Variants in ARHGAP24 observed in about 807,000 individuals in gnomAD.
The protein encoded by ARHGAP24 is rho GTPase-activating protein 24.
In ARHGAP24, 50 loss-of-function variants were observed where a neutral mutation model predicts 76.4. The ratio of observed to expected loss-of-function variants is 0.65; its 90% confidence interval spans 0.52 to 0.83. The LOEUF is 0.83. Ranked by LOEUF, ARHGAP24 falls within the 40% of genes least tolerant of loss-of-function variation. The pLI, the probability that ARHGAP24 is intolerant of heterozygous loss-of-function variation, is 0.00. For missense variants in ARHGAP24, 930 were observed against 914.2 expected (o/e 1.02, Z -0.22); for synonymous variants, 345 against 323.3 (o/e 1.07, Z -0.72).
At chr4:85,792,743 T>C (rs1035121946) in intron 3 of ARHGAP24, among the ~76,000 whole-genome samples, 2 of 152,200 alleles carry the variant, frequency 1.3e-5, no homozygotes, top group Non-Finnish European at 2.9e-5. Flanking sequence ...CCAGTATAGT[T>C]CCTGTTTTAG....
chr4:85,890,004 T>G (rs373902565), intron 3 of ARHGAP24, among the ~76,000 whole-genome samples: 5 of 152,246 alleles, frequency 3.3e-5, no homozygotes, highest in African/African-American at 1.2e-4. Flanking sequence ...CAATTTTCAT[T>G]TTTTAGGTAA....
chr4:85,667,964 AAAC>A (rs2109999154), intron 2 of ARHGAP24, among the ~76,000 whole-genome samples: 1 of 152,330 alleles, frequency 6.6e-6, no homozygotes, highest in East Asian at 1.9e-4. Flanking sequence ...AAGGGTAAAT[AAAC>A]AAATACGATG....
chr4:85,911,805 AAGG>A (rs1735099954), intron 3 of ARHGAP24, among the ~76,000 whole-genome samples: 1 of 152,204 alleles, frequency 6.6e-6, no homozygotes, highest in Non-Finnish European at 1.5e-5. Context: ...TCACAGTTTT[AAGG>A]AGGAAATTCA....
chr4:85,923,691 C>T lies in ARHGAP24; in HGVS notation c.312C>T (p.Leu104=). 1 of 1,613,958 alleles carries T rather than the reference C, an allele frequency of 6.2e-7. No homozygotes were observed. The highest frequency in any genetic ancestry group is 8.5e-7 in the Non-Finnish European group (1 of 1,179,940). The stretch of plus-strand genomic sequence containing the variant: ...TGACAGCAAATCATGAAAGCTACCT[C>T]CTCATGGCAAGCACCCAGAATGATA... The part of the protein sequence containing the change: ...DRMTANHESY[L]LMASTQNDME... The change falls in exon 4 of 10, where the codon CTC becomes CTT. Residue 104 remains leucine, a synonymous_variant. Coordinates refer to ENST00000395184, the MANE Select transcript of ARHGAP24 (RefSeq NM_001025616.3).
chr4:85,639,581 A>G (rs1227144756), intron 2 of ARHGAP24, among the ~76,000 whole-genome samples: 1 of 151,562 alleles, frequency 6.6e-6, no homozygotes, highest in Non-Finnish European at 1.5e-5. Context: ...TCAATGAAGA[A>G]TCAATAACAT....
chr4:85,805,274 TG>T (rs1469033852), intron 3 of ARHGAP24, among the ~76,000 whole-genome samples: 1 of 152,132 alleles, frequency 6.6e-6, no homozygotes, highest in African/African-American at 2.4e-5. Context: ...CCATTCCCCT[TG>T]CGTCCTTTCG....
chr4:85,731,591 A>G (rs1725411857), intron 3 of ARHGAP24, among the ~76,000 whole-genome samples: 2 of 152,184 alleles, frequency 1.3e-5, no homozygotes, highest in African/African-American at 2.4e-5. Context: ...ACTGGATCCT[A>G]GAGAAGTTCA....
chr4:85,921,698 A>AC (rs1414952500), intron 3 of ARHGAP24, among the ~76,000 whole-genome samples: 1 of 152,054 alleles, frequency 6.6e-6, no homozygotes, highest in Non-Finnish European at 1.5e-5. Flanking sequence ...GGGGACCCCA[A>AC]CCCCTGGGCC....
At chr4:85,502,772 G>A (rs1483111599) in intron 1 of ARHGAP24, among the ~76,000 whole-genome samples, 1 of 152,188 alleles carries the variant, frequency 6.6e-6, no homozygotes, top group African/African-American at 2.4e-5. Flanking sequence ...TAGGAGTGGT[G>A]AGAGAGGGCA....
At chr4:85,806,885 C>T (rs564664025) in intron 3 of ARHGAP24, among the ~76,000 whole-genome samples, 2 of 152,102 alleles carry the variant, frequency 1.3e-5, no homozygotes, top group South Asian at 4.1e-4. Flanking sequence ...TGAATAAAGC[C>T]TTGCATTTAT....
At position 85,887,783 on chromosome 4, in the gene ARHGAP24, T is replaced by G. The variant is rs1471321834; in HGVS notation, c.269-35865T>G. Among the ~76,000 whole-genome samples, 3 of 152,192 alleles carry G rather than the reference T, an allele frequency of 2.0e-5. No individual in the cohort carries two copies. The East Asian group carries it at 5.8e-4, about 29-fold the overall frequency. On this transcript the variant is annotated intron_variant, in intron 3 of 9. Transcript: ENST00000395184. ...CTAAAGATGCTCTGTTCTTATGTAC[T>G]TATGTCATGTACCTATGACAAGTGA...
chr4:85,626,423 T>C (rs1157093293), intron 2 of ARHGAP24, among the ~76,000 whole-genome samples: 1 of 152,188 alleles, frequency 6.6e-6, no homozygotes, highest in African/African-American at 2.4e-5. Flanking sequence ...GCTGATAGAG[T>C]TTCTGTCGAG....
intron 3 of ARHGAP24, among the ~76,000 whole-genome samples, chr4:85,863,067 T>G (rs868263569): frequency 2.6e-5 from 4 of 152,092 alleles, no homozygotes; most frequent in Non-Finnish European, 4.4e-5. Flanking sequence ...CTTATAGAAG[T>G]AGCATGACAT....
intron 2 of ARHGAP24, among the ~76,000 whole-genome samples, chr4:85,660,817 A>AAAAAAAAAAAC (rs1560573731): frequency 2.7e-5 from 4 of 149,842 alleles, no homozygotes; most frequent in African/African-American, 5.0e-5. Context: ...AAAAAAAAAA[A>AAAAAAAAAAAC]TCTGTAGATG....
At chr4:85,916,314 C>T (rs780996194) in intron 3 of ARHGAP24, among the ~76,000 whole-genome samples, 1 of 151,860 alleles carries the variant, frequency 6.6e-6, no homozygotes, top group South Asian at 2.1e-4. Context: ...GGATATTAGC[C>T]CTTCATCAGA....
intron 2 of ARHGAP24, among the ~76,000 whole-genome samples, chr4:85,579,105 G>T (rs1727503214): frequency 6.6e-6 from 1 of 152,132 alleles, no homozygotes; most frequent in African/African-American, 2.4e-5. Flanking sequence ...GAGACTTGAA[G>T]AATTCTCTTT....
chr4:85,935,467 GA>G (rs1736578645), intron 4 of ARHGAP24, among the ~76,000 whole-genome samples: 1 of 152,168 alleles, frequency 6.6e-6, no homozygotes, highest in East Asian at 1.9e-4. Context: ...TTTGGTCTTT[GA>G]AAGTTACAAA....
chr4:85,664,221 C>A (rs1204547604), intron 2 of ARHGAP24, among the ~76,000 whole-genome samples: 3 of 151,308 alleles, frequency 2.0e-5, no homozygotes, highest in Admixed American at 1.3e-4. Flanking sequence ...GATTCAACTT[C>A]TTCCTGGTTT....
chr4:85,760,040 C>T (rs1282758580), intron 3 of ARHGAP24, among the ~76,000 whole-genome samples: 1 of 138,986 alleles, frequency 7.2e-6, no homozygotes, highest in East Asian at 1.9e-4. Context: ...ATCAAATGAA[C>T]TTTTTTTCCT....
Sources: allele counts gnomAD v4.1 joint callset (sites outside exome capture counted in the v4.1 genomes callset), GRCh38; gene constraint gnomAD v4.1.1; transcripts MANE v1.5; gene names NCBI Gene and HGNC (gene_info 2026-07-23, HGNC 2026-07-21).